The following RPS6KA2 variants were observed in gnomAD, a reference collection of about 807,000 sequenced individuals.
The protein encoded by RPS6KA2 is ribosomal protein S6 kinase alpha-2.
RPS6KA2 carries 42 observed loss-of-function variants against 91.8 expected under a neutral mutation model. The ratio of observed to expected loss-of-function variants is 0.46; its 90% CI spans 0.36 to 0.59. RPS6KA2 has a LOEUF of 0.59. Ranked by LOEUF, RPS6KA2 falls within the 20% of genes least tolerant of loss-of-function variation. RPS6KA2 has a pLI of 0.00. For synonymous variants in RPS6KA2, 414 were observed against 393.6 expected (o/e 1.05, Z -0.61); for missense variants, 798 against 978.5 (o/e 0.82, Z 2.46).
At chr6:166,739,452 C>T (rs559048979) in intron 2 of RPS6KA2, among the ~76,000 whole-genome samples, 32 of 152,334 alleles carry the variant, frequency 2.1e-4, no homozygotes, top group Middle Eastern at 6.8e-3. Flanking sequence ...TAAGGGAATT[C>T]CCATTAGAGC....
rs1778325932 is a variant in RPS6KA2, at chr6:166,412,140, G to C, written c.*622C>G. 4.6e-5 allele frequency: 7 copies of C among 152,664 alleles called. No homozygotes were observed. Among genetic ancestry groups the C allele is most frequent in the Admixed American group, 4.6e-4 (7 of 15,268 alleles). 9.5% of individuals were successfully genotyped at this position (152,664 alleles called of 1,614,324 possible). A position where few individuals can be genotyped will look rare whatever the true frequency, so the allele number is the denominator to read the frequency against. On this transcript the variant is annotated 3_prime_UTR_variant, in exon 21 of 21. Transcript: ENST00000265678. The surrounding 1 kb of genome is among the most constrained non-coding windows in gnomAD (Gnocchi z 4.3). ...GGCTCTTACTCCTCATTTGAATCTG[G>C]GACAGAGGAAAGGATGGGCTACCCA...
intron 2 of RPS6KA2, among the ~76,000 whole-genome samples, chr6:166,696,928 C>T (rs546125340): frequency 6.6e-6 from 1 of 152,324 alleles, no homozygotes; most frequent in South Asian, 2.1e-4. Context: ...GGCTTTTGGA[C>T]TCAGACTAGA....
At chr6:166,683,056 G>A (rs549543998) in intron 2 of RPS6KA2, among the ~76,000 whole-genome samples, 5 of 152,294 alleles carry the variant, frequency 3.3e-5, no homozygotes, top group East Asian at 1.9e-4. Flanking sequence ...GCTTGCCCTC[G>A]GTGAAGCCCA....
chr6:166,668,845 C>T, intron 2 of RPS6KA2, among the ~76,000 whole-genome samples: 1 of 114,660 alleles, frequency 8.7e-6, no homozygotes. Context: ...CCTCCTCCAT[C>T]CCTCCCTCCC....
chr6:166,678,990 C>T (rs978195057), intron 2 of RPS6KA2, among the ~76,000 whole-genome samples: 1 of 152,024 alleles, frequency 6.6e-6, no homozygotes, highest in Non-Finnish European at 1.5e-5. Flanking sequence ...TAGATAAAAC[C>T]GTATTTGTTT....
intron 2 of RPS6KA2, among the ~76,000 whole-genome samples, chr6:166,797,180 G>A (rs1779248834): frequency 6.6e-6 from 1 of 152,182 alleles, no homozygotes; most frequent in Admixed American, 6.5e-5. Flanking sequence ...CCTTCATCAG[G>A]CACTCTGCGT....
At position 166,433,691 on chromosome 6, in the gene RPS6KA2, G is replaced by A. The variant is rs751682748; in HGVS notation, c.1333-1201C>T. Among the ~76,000 whole-genome samples the A allele has an allele frequency of 3.3e-5, 5 of 152,282 alleles. No homozygotes were observed. Among genetic ancestry groups the A allele is most frequent in the Admixed American group, 1.3e-4 (2 of 15,298 alleles). On this transcript the variant is annotated intron_variant, in intron 14 of 20. Transcript: ENST00000265678. This position sits in a 1 kb window ranked among gnomAD's most constrained non-coding sequence, Gnocchi z 4.4. ...CAGTCATTTTACTACTAGAATATGA[G>A]GGTGACTTGCTTTTAACTTCTATCA... is the stretch of plus-strand genomic sequence containing the variant.
At chr6:166,705,815 C>T (rs1285654456) in intron 2 of RPS6KA2, among the ~76,000 whole-genome samples, 1 of 152,164 alleles carries the variant, frequency 6.6e-6, no homozygotes, top group East Asian at 1.9e-4. Context: ...CCTATTGATA[C>T]AGACTGAATG....
intron 2 of RPS6KA2, among the ~76,000 whole-genome samples, chr6:166,796,693 C>T (rs1779234074): frequency 1.3e-5 from 2 of 152,378 alleles, no homozygotes; most frequent in East Asian, 3.9e-4. Context: ...GTTGGTTCTA[C>T]AGACCCATAT....
intron 2 of RPS6KA2, among the ~76,000 whole-genome samples, chr6:166,853,531 C>A (rs1780801766): frequency 6.6e-6 from 1 of 152,252 alleles, no homozygotes; most frequent in African/African-American, 2.4e-5. Context: ...TCCATCAGGA[C>A]AGCCTCAGCC....
intron 2 of RPS6KA2, among the ~76,000 whole-genome samples, chr6:166,717,367 G>C (rs1346126376): frequency 1.3e-5 from 2 of 152,194 alleles, no homozygotes; most frequent in Non-Finnish European, 2.9e-5. Context: ...AGGAACCAAA[G>C]ACCAGCCACA....
Position 166,469,841 on chromosome 6 carries a change from G to A in RPS6KA2, c.972C>T (p.Asn324=), listed in dbSNP as rs758182945. The A allele has an allele frequency of 1.1e-5, 17 of 1,613,694 alleles. No homozygotes were observed. Among genetic ancestry groups the A allele is most frequent in the Admixed American group, 5.0e-5 (3 of 60,008 alleles). The change falls in exon 11 of 21, where the codon AAC becomes AAT. Residue 324 remains asparagine (N), a splice_region_variant and synonymous_variant. Transcript: ENST00000265678. ...RHPFFVTIDW[N]TLYRKEIKPP... ...GTGGGGACTGTGGCATGCAACTTAC[G>A]TTCCAGTCTATGGTCACAAAGAAGG...
intron 2 of RPS6KA2, among the ~76,000 whole-genome samples, chr6:166,774,449 G>T (rs918685441): frequency 6.6e-6 from 1 of 152,116 alleles, no homozygotes; most frequent in Admixed American, 6.5e-5. Flanking sequence ...CGAGCGTCCC[G>T]GCGTTGGTTA....
rs535975116 is a variant in RPS6KA2, at chr6:166,768,846, A to C, written c.123+89354T>G. Among the ~76,000 whole-genome samples the C allele has an allele frequency of 5.3e-5, 8 of 152,188 alleles. No homozygotes were observed. The East Asian group carries it at 1.4e-3, about 26-fold the overall frequency. ...GGAAACACTGCCAGGAGTTTAACCT[A>C]CTCCGGGCCTAAAGGCAGTGGAGGG... On this transcript the variant is annotated intron_variant, in intron 2 of 21. Coordinates refer to the RPS6KA2 transcript ENST00000503859.
chr6:166,782,470 T>G (rs978425032), intron 2 of RPS6KA2, among the ~76,000 whole-genome samples: 1 of 152,126 alleles, frequency 6.6e-6, no homozygotes, highest in Non-Finnish European at 1.5e-5. Flanking sequence ...GACACACCCA[T>G]GCACCAGACT....
intron 2 of RPS6KA2, among the ~76,000 whole-genome samples, chr6:166,793,119 C>A (rs924170498): frequency 6.6e-6 from 1 of 152,042 alleles, no homozygotes; most frequent in Non-Finnish European, 1.5e-5. Flanking sequence ...CTGTCTCAGC[C>A]CAAAATCTCC....
At chr6:166,641,805 A>C (rs573142790) in intron 2 of RPS6KA2, among the ~76,000 whole-genome samples, 2 of 149,806 alleles carry the variant, frequency 1.3e-5, no homozygotes, top group Non-Finnish European at 3.0e-5. Context: ...AAAGTCCAAC[A>C]AAGAGTTGGT....
At chr6:166,597,716 G>A (rs1469155918) in intron 1 of RPS6KA2, among the ~76,000 whole-genome samples, 1 of 152,176 alleles carries the variant, frequency 6.6e-6, no homozygotes, top group African/African-American at 2.4e-5. Flanking sequence ...GATTTAACTA[G>A]TAGCCTCAAA....
rs1260317685 is a variant in RPS6KA2 at position 166,459,606 on chromosome 6, A to T, written c.973-55T>A. The T allele has an allele frequency of 1.5e-6, 2 of 1,310,598 alleles. No individual in the cohort carries two copies. The highest frequency in any genetic ancestry group is 2.9e-5 in the African/African-American group (2 of 69,170). 81.2% of individuals were successfully genotyped at this position (1,310,598 alleles called of 1,614,324 possible). A position where few individuals can be genotyped will look rare whatever the true frequency, so the allele number is the denominator to read the frequency against. ...ACTGAGGATGCACAGACATTGCCAC[A>T]GAACACTGGGGACAGAGAAACCTGC... is the stretch of plus-strand genomic sequence containing the variant. On this transcript the variant is annotated intron_variant, in intron 11 of 20. Coordinates refer to ENST00000265678, the MANE Select transcript of RPS6KA2 (RefSeq NM_021135.6). This position sits in a 1 kb window ranked among gnomAD's most constrained non-coding sequence, Gnocchi z 4.9.
Sources: allele counts gnomAD v4.1 joint callset (sites outside exome capture counted in the v4.1 genomes callset), GRCh38; gene constraint gnomAD v4.1.1; non-coding constraint Gnocchi (gnomAD v3.1); transcripts MANE v1.5; gene names NCBI Gene and HGNC (gene_info 2026-07-23, HGNC 2026-07-21).